SLC10A7: variants seen among roughly 807,000 people sequenced by gnomAD.
SLC10A7 encodes the protein sodium/bile acid cotransporter 7.
SLC10A7 carries 29 observed loss-of-function variants against 43.2 expected under a neutral mutation model. The ratio of observed to expected loss-of-function variants is 0.67; its 90% CI spans 0.50 to 0.92. SLC10A7 has a LOEUF of 0.92. Among genes scored for constraint, SLC10A7 ranks in the 40% least tolerant of loss-of-function variants. The probability of loss-of-function intolerance (pLI) is 0.00; values close to 1 mark genes in which losing one functional copy is unlikely to be tolerated. For synonymous variants in SLC10A7, 152 were observed against 144.8 expected (o/e 1.05, Z -0.35); for missense variants, 295 against 403.2 (o/e 0.73, Z 2.30).
chr4:146,257,674 C>G (rs887660143), intron 11 of SLC10A7, among the ~76,000 whole-genome samples: 4 of 152,146 alleles, frequency 2.6e-5, no homozygotes, highest in Admixed American at 1.3e-4. Context: ...AAACACTCAT[C>G]ACGTAATCCT....
At chr4:146,491,776 G>A (rs765184956) in intron 4 of SLC10A7, among the ~76,000 whole-genome samples, 2 of 151,932 alleles carry the variant, frequency 1.3e-5, no homozygotes, top group East Asian at 3.9e-4. Context: ...GGCCCTGCAA[G>A]GCCAGTATCT....
chr4:146,447,701 T>A (rs1359882712), intron 4 of SLC10A7, among the ~76,000 whole-genome samples: 4 of 152,082 alleles, frequency 2.6e-5, no homozygotes, highest in African/African-American at 9.7e-5. Flanking sequence ...AGATTTTTTT[T>A]AATATTGACT....
chr4:146,445,361 C>G lies in SLC10A7; in HGVS notation c.397-2540G>C, dbSNP rs1215394893. Among the ~76,000 whole-genome samples the G allele has an allele frequency of 3.3e-5, 5 of 152,230 alleles. No homozygotes were observed. In the East Asian group the frequency reaches 9.7e-4, roughly 29 times the overall value. On this transcript the variant is annotated intron_variant, in intron 4 of 11. Transcript: ENST00000335472. ...TTACAGGAGCGAGCACACAAGCAAA[C>G]GGGTGTGGGAACGCGCACAAAGGAA...
intron 4 of SLC10A7, among the ~76,000 whole-genome samples, chr4:146,490,126 C>A (rs529859421): frequency 3.3e-5 from 5 of 151,970 alleles, no homozygotes; most frequent in Non-Finnish European, 7.4e-5. Flanking sequence ...TTAAATTATA[C>A]TGCCAGTTCT....
chr4:146,295,675 C>T (rs1378066249), intron 7 of SLC10A7, among the ~76,000 whole-genome samples: 1 of 151,992 alleles, frequency 6.6e-6, no homozygotes. Context: ...CATTGGAAGG[C>T]CACAGAGGGA....
At position 146,442,535 on chromosome 4, in the gene SLC10A7, G is replaced by A. The variant is rs145758082; in HGVS notation, c.435+248C>T. On this transcript the variant is annotated intron_variant, in intron 5 of 11. Transcript: ENST00000335472. ...TAACCTCTATAAGGAGACACATAGT[G>A]TTTTAATTGATTCCTTGAATTCATT... 450 of 1,332,108 alleles carry A rather than the reference G, an allele frequency of 3.4e-4. 5 individuals carry two copies. The African/African-American group carries it at 4.1e-3, about 12-fold the overall frequency. The allele number at this position is 1,332,108 out of a possible 1,614,324, so 82.5% of individuals were successfully genotyped here.
At chr4:146,323,486 C>A (rs756467616) in intron 6 of SLC10A7, among the ~76,000 whole-genome samples, 1 of 152,138 alleles carries the variant, frequency 6.6e-6, no homozygotes, top group Admixed American at 6.5e-5. Flanking sequence ...AATAGGGAAA[C>A]CTTTCCCCAT....
At chr4:146,443,308 A>G (rs553870464) in intron 4 of SLC10A7, among the ~76,000 whole-genome samples, 11 of 152,342 alleles carry the variant, frequency 7.2e-5, no homozygotes, top group Non-Finnish European at 1.2e-4. Context: ...AGAAATATGA[A>G]CAATGCTGTT....
intron 9 of SLC10A7, among the ~76,000 whole-genome samples, chr4:146,285,742 T>A (rs1729852307): frequency 6.6e-6 from 1 of 152,218 alleles, no homozygotes; most frequent in Non-Finnish European, 1.5e-5. Flanking sequence ...GATGCTGATG[T>A]ATGCTAGATT....
chr4:146,296,167 C>G (rs1730772414), intron 7 of SLC10A7, among the ~76,000 whole-genome samples: 1 of 152,136 alleles, frequency 6.6e-6, no homozygotes, highest in African/African-American at 2.4e-5. Flanking sequence ...CTACACACAG[C>G]CTCCTGTGCA....
At chr4:146,282,248 A>G (rs2111112645) in intron 10 of SLC10A7, among the ~76,000 whole-genome samples, 1 of 152,290 alleles carries the variant, frequency 6.6e-6, no homozygotes, top group African/African-American at 2.4e-5. Flanking sequence ...GGTTTGTCCA[A>G]TTTCTAAATC....
chr4:146,456,893 T>C (rs929175801), intron 4 of SLC10A7, among the ~76,000 whole-genome samples: 1 of 151,892 alleles, frequency 6.6e-6, no homozygotes, highest in African/African-American at 2.4e-5. Context: ...GTAACCTCAT[T>C]AGCCTAACAA....
chr4:146,492,257 T>C (rs1735529618), intron 4 of SLC10A7, among the ~76,000 whole-genome samples: 1 of 151,982 alleles, frequency 6.6e-6, no homozygotes, highest in South Asian at 2.1e-4. Context: ...CACAGCCTGA[T>C]GACTTTGTAA....
At chr4:146,499,439 T>C (rs1263020073) in intron 4 of SLC10A7, among the ~76,000 whole-genome samples, 2 of 152,200 alleles carry the variant, frequency 1.3e-5, no homozygotes, top group African/African-American at 4.8e-5. Context: ...TAGATTACAT[T>C]CTTTCCAATA....
chr4:146,382,747 G>A (rs1220219862), intron 5 of SLC10A7, among the ~76,000 whole-genome samples: 1 of 152,054 alleles, frequency 6.6e-6, no homozygotes, highest in East Asian at 1.9e-4. Flanking sequence ...CTCCAAATGT[G>A]TTTAAAATCA....
At chr4:146,395,174 G>T (rs1461103464) in intron 5 of SLC10A7, among the ~76,000 whole-genome samples, 1 of 151,772 alleles carries the variant, frequency 6.6e-6, no homozygotes, top group Admixed American at 6.6e-5. Context: ...TTTGAGACCA[G>T]CCTCAGCAAT....
intron 4 of SLC10A7, among the ~76,000 whole-genome samples, chr4:146,454,465 C>G (rs1034532426): frequency 4.6e-5 from 7 of 151,876 alleles, no homozygotes; most frequent in African/African-American, 1.7e-4. Flanking sequence ...AATTCATCTC[C>G]AGACATCTCT....
Position 146,443,288 on chromosome 4 carries a change from A to G in SLC10A7, c.397-467T>C, listed in dbSNP as rs895311285. ...CACAAGGTAAGATCTGTTTCTATAC[A>G]ACACACATTAGAAATATGAACAATG... On this transcript the variant is annotated intron_variant, in intron 4 of 11. Transcript: ENST00000335472. 7.2e-5 allele frequency among the ~76,000 whole-genome samples: 11 copies of G among 152,348 alleles called. No individual in the cohort carries two copies. In the South Asian group the frequency reaches 2.3e-3, roughly 32 times the overall value.
intron 5 of SLC10A7, among the ~76,000 whole-genome samples, chr4:146,361,193 T>C (rs907943500): frequency 1.3e-5 from 2 of 152,196 alleles, no homozygotes; most frequent in African/African-American, 4.8e-5. Flanking sequence ...CAATCTATCT[T>C]GCTTCTTATT....
Sources: allele counts gnomAD v4.1 joint callset (sites outside exome capture counted in the v4.1 genomes callset), GRCh38; gene constraint gnomAD v4.1.1; transcripts MANE v1.5; gene names NCBI Gene and HGNC (gene_info 2026-07-23, HGNC 2026-07-21).